The following FGF14 variants were observed in gnomAD, a reference collection of about 807,000 sequenced individuals.
FGF14 encodes the protein fibroblast growth factor homologous factor 4.
In FGF14, 5 loss-of-function variants were observed where a neutral mutation model predicts 25.5. That is an observed-to-expected ratio of 0.20 (90% CI 0.10 to 0.41). FGF14 has a LOEUF of 0.41. Ranked by LOEUF, FGF14 falls within the 10% of genes least tolerant of loss-of-function variation. The pLI, the probability that FGF14 is intolerant of heterozygous loss-of-function variation, is 1.00. For synonymous variants in FGF14, 138 were observed against 118.3 expected, an observed-to-expected ratio of 1.17 and a Z score of -1.08; for missense variants, 222 against 320.1, an observed-to-expected ratio of 0.69 and a Z score of 2.34.
At chr13:101,834,893 T>A (rs544362403) in intron 3 of FGF14, among the ~76,000 whole-genome samples, 34 of 152,194 alleles carry the variant, frequency 2.2e-4, no homozygotes, top group African/African-American at 7.7e-4. Flanking sequence ...TTACTAATCT[T>A]AACCAAGTCA....
intron 3 of FGF14, among the ~76,000 whole-genome samples, chr13:101,780,882 G>A (rs1249429026): frequency 2.0e-5 from 3 of 152,042 alleles, no homozygotes; most frequent in Non-Finnish European, 4.4e-5. Context: ...TTCCTCCGAA[G>A]CAGACGGCTC....
At chr13:102,021,599 A>G (rs1382299062) in intron 1 of FGF14, among the ~76,000 whole-genome samples, 2 of 152,096 alleles carry the variant, frequency 1.3e-5, no homozygotes, top group African/African-American at 4.8e-5. Context: ...TAAGGGAAGG[A>G]CAATCAGCAA....
At chr13:102,180,385 T>C (rs186749003) in intron 1 of FGF14, among the ~76,000 whole-genome samples, 38 of 152,294 alleles carry the variant, frequency 2.5e-4, no homozygotes, top group Admixed American at 1.8e-3. Context: ...CAATCTCAGC[T>C]CACTGCAACC....
At chr13:102,334,262 T>C (rs930717116) in intron 1 of FGF14, among the ~76,000 whole-genome samples, 12 of 152,306 alleles carry the variant, frequency 7.9e-5, no homozygotes, top group Admixed American at 5.2e-4. Context: ...GATTTGAACA[T>C]CTGTGGTTTA....
chr13:102,119,861 A>G (rs952704735), intron 1 of FGF14, among the ~76,000 whole-genome samples: 1 of 152,216 alleles, frequency 6.6e-6, no homozygotes, highest in African/African-American at 2.4e-5. Flanking sequence ...GAAAAAGTAC[A>G]GAGAGCAGGA....
At position 102,069,349 on chromosome 13, in the gene FGF14, C is replaced by G. The variant is rs182226960; in HGVS notation, c.209-194053G>C. Among the ~76,000 whole-genome samples the G allele has an allele frequency of 7.1e-4, 108 of 152,266 alleles. 1 individual carries two copies. The highest frequency in any genetic ancestry group is 3.4e-3 in the Middle Eastern group (1 of 294). ...CAGCGCCCTGTCAAAAAAGGCCACT[C>G]GGCTCTACCAATCAGCAGGATGTGG... On this transcript the variant is annotated intron_variant, in intron 1 of 4. Coordinates refer to the FGF14 transcript ENST00000376131.
rs190486693 is a variant in FGF14, at chr13:102,274,905, A to T, written c.208+126566T>A. On this transcript the variant is annotated intron_variant, in intron 1 of 4. Coordinates refer to the FGF14 transcript ENST00000376131. Reference sequence around the variant, plus strand: ...CTCGTCATTATTTAATAAATAATAAATAATTATTTATTAAATAATGACGAG... The same window carrying T: ...CTCGTCATTATTTAATAAATAATAATTAATTATTTATTAAATAATGACGAG... Among the ~76,000 whole-genome samples, 82 of 151,080 alleles carry T rather than the reference A, an allele frequency of 5.4e-4. No individual in the cohort carries two copies. In the Middle Eastern group the frequency reaches 0.017, roughly 32 times the overall value.
At chr13:102,394,484 G>C (rs973294725) in intron 1 of FGF14, 6 of 152,522 alleles carry the variant, frequency 3.9e-5, no homozygotes, top group Admixed American at 2.0e-4. Flanking sequence ...TCTCTCCCGC[G>C]CGGCGGCTTC....
At chr13:101,815,780 G>C (rs1037170325) in intron 3 of FGF14, among the ~76,000 whole-genome samples, 1 of 152,006 alleles carries the variant, frequency 6.6e-6, no homozygotes, top group African/African-American at 2.4e-5. Context: ...AAGAAACTCG[G>C]TGGTTCTGAG....
At chr13:101,820,775 A>G (rs2042083455) in intron 3 of FGF14, among the ~76,000 whole-genome samples, 1 of 24,474 alleles carries the variant, frequency 4.1e-5, no homozygotes, top group South Asian at 1.8e-3. Context: ...CACACACCAC[A>G]CACCACACAC....
intron 1 of FGF14, among the ~76,000 whole-genome samples, chr13:101,959,152 C>G (rs2036687828): frequency 6.6e-6 from 1 of 152,164 alleles, no homozygotes; most frequent in Non-Finnish European, 1.5e-5. Flanking sequence ...CTCGCATGCA[C>G]AGTTCACAAT....
At chr13:102,012,452 T>A (rs1461349394) in intron 1 of FGF14, among the ~76,000 whole-genome samples, 1 of 151,610 alleles carries the variant, frequency 6.6e-6, no homozygotes, top group Non-Finnish European at 1.5e-5. Flanking sequence ...TTATTTTGTC[T>A]GTGTCTGAAA....
At chr13:101,992,129 T>C (rs1483480116) in intron 1 of FGF14, among the ~76,000 whole-genome samples, 1 of 152,130 alleles carries the variant, frequency 6.6e-6, no homozygotes, top group South Asian at 2.1e-4. Context: ...TCACTCCTTC[T>C]ACACCTCACC....
intron 1 of FGF14, among the ~76,000 whole-genome samples, chr13:102,183,396 C>T (rs1431352124): frequency 6.6e-6 from 1 of 152,060 alleles, no homozygotes; most frequent in Non-Finnish European, 1.5e-5. Context: ...AAATCAATTG[C>T]TAAAGAAAGA....
intron 1 of FGF14, among the ~76,000 whole-genome samples, chr13:102,205,955 G>A (rs1480134240): frequency 2.4e-5 from 3 of 123,964 alleles, no homozygotes; most frequent in African/African-American, 8.5e-5. Context: ...TGGCTTCCAC[G>A]AGAAGGTAGC....
In FGF14 at chr13:102,334,218, T is replaced by C. The variant is rs192590556; in HGVS notation, c.208+67253A>G. On this transcript the variant is annotated intron_variant, in intron 1 of 4. Transcript: ENST00000376131. ...CATGGATTGGGGCAGGCACAATTAT[T>C]TTTAAGTTTATTTCCCTAGGCAAAT... is the stretch of plus-strand genomic sequence containing the variant. Among the ~76,000 whole-genome samples, 279 of 152,268 alleles carry C rather than the reference T, an allele frequency of 1.8e-3. 2 individuals are homozygous for C. Among genetic ancestry groups the C allele is most frequent in the Non-Finnish European group, 1.0e-3 (68 of 68,032 alleles).
chr13:101,917,750 C>T (rs755182065), upstream of FGF14, among the ~76,000 whole-genome samples: 25 of 151,970 alleles, frequency 1.6e-4, no homozygotes, highest in Non-Finnish European at 2.8e-4. Context: ...AAAGGCTACA[C>T]GGAGCAAAAA....
Position 101,720,811 on chromosome 13 carries a change from T to A in FGF14, c.*2020A>T, listed in dbSNP as rs2034923797. On this transcript the variant is annotated 3_prime_UTR_variant, in exon 5 of 5. Transcript: ENST00000376143. ...TGACCAAAGGAATCATTTTGTTTGT[T>A]AGATTTGTAATTTAGCATCATTGGC... 6.6e-6 allele frequency: 1 copy of A among 152,158 alleles called. No individual in the cohort carries two copies. The highest frequency in any genetic ancestry group is 2.4e-5 in the African/African-American group (1 of 41,442). The allele number at this position is 152,158 out of a possible 1,614,324, so 9.4% of individuals were successfully genotyped here.
chr13:101,840,767 TATC>T (rs1193998794), intron 3 of FGF14, among the ~76,000 whole-genome samples: 1 of 151,998 alleles, frequency 6.6e-6, no homozygotes, highest in Non-Finnish European at 1.5e-5. Flanking sequence ...GCTTTTTTCT[TATC>T]ATAATCTTAA....
Sources: allele counts gnomAD v4.1 joint callset (sites outside exome capture counted in the v4.1 genomes callset), GRCh38; gene constraint gnomAD v4.1.1; transcripts MANE v1.5; gene names NCBI Gene and HGNC (gene_info 2026-07-23, HGNC 2026-07-21).